The following GLIS3 variants were observed in gnomAD, a reference collection of about 807,000 sequenced individuals.
GLIS3 encodes the protein zinc finger protein GLIS3.
In GLIS3, 53 loss-of-function variants were observed where a neutral mutation model predicts 78.6. That is an observed-to-expected ratio of 0.67 (90% CI 0.54 to 0.85). GLIS3 has a LOEUF of 0.85. Ranked by LOEUF, GLIS3 falls within the 40% of genes least tolerant of loss-of-function variation. GLIS3 has a pLI of 0.00. For missense variants in GLIS3, 1,703 were observed against 1,231.1 expected (o/e 1.38, Z -5.74); for synonymous variants, 684 against 509.9 (o/e 1.34, Z -4.60).
At chr9:4,122,125 G>T (rs1832239021) in intron 3 of GLIS3, among the ~76,000 whole-genome samples, 1 of 152,174 alleles carries the variant, frequency 6.6e-6, no homozygotes, top group African/African-American at 2.4e-5. Context: ...AAATGATTAG[G>T]GTGGCTGGTT....
At chr9:4,193,531 GA>G (rs1323622203) in intron 2 of GLIS3, among the ~76,000 whole-genome samples, 1 of 152,116 alleles carries the variant, frequency 6.6e-6, no homozygotes, top group Non-Finnish European at 1.5e-5. Flanking sequence ...AGACAGCTGA[GA>G]AAATGACACA....
chr9:4,304,460 C>T (rs779894295), upstream of GLIS3, among the ~76,000 whole-genome samples: 12 of 152,302 alleles, frequency 7.9e-5, no homozygotes, highest in Non-Finnish European at 1.5e-4. Context: ...AGCCTGTCTG[C>T]GCCCTGCTCC....
intron 2 of GLIS3, among the ~76,000 whole-genome samples, chr9:4,198,138 A>C (rs971068487): frequency 6.6e-6 from 1 of 152,296 alleles, no homozygotes; most frequent in African/African-American, 2.4e-5. Flanking sequence ...CTAACTCTCC[A>C]GCAATGGCCC....
intron 7 of GLIS3, among the ~76,000 whole-genome samples, chr9:3,896,431 G>C (rs575030694): frequency 6.6e-6 from 1 of 151,920 alleles, no homozygotes; most frequent in African/African-American, 2.4e-5. Context: ...TTTGGAGGCC[G>C]AGGTGGGTGG....
At chr9:3,894,910 T>A (rs552025799) in intron 7 of GLIS3, among the ~76,000 whole-genome samples, 1 of 152,318 alleles carries the variant, frequency 6.6e-6, no homozygotes, top group South Asian at 2.1e-4. Flanking sequence ...TCTGTGGGAC[T>A]CAAACATCTC....
chr9:4,444,615 G>A, the GLIS3 span, among the ~76,000 whole-genome samples: 1 of 152,302 alleles, frequency 6.6e-6, no homozygotes, highest in East Asian at 1.9e-4. Context: ...TAACTTTGCC[G>A]ATTATCATGA....
chr9:4,287,836 C>A (rs370999163), intron 1 of GLIS3, among the ~76,000 whole-genome samples: 26 of 152,254 alleles, frequency 1.7e-4, no homozygotes, highest in African/African-American at 6.0e-4. Context: ...CAAGCACTCA[C>A]TATGCCTTCT....
the GLIS3 span, among the ~76,000 whole-genome samples, chr9:4,476,572 G>A: frequency 6.6e-6 from 1 of 152,034 alleles, no homozygotes; most frequent in African/African-American, 2.4e-5. Context: ...ATGTTAGCCA[G>A]GCTGGTCTCG....
At chr9:4,279,324 TACACACACACACACACAC>T (rs141790371) in intron 2 of GLIS3, among the ~76,000 whole-genome samples, 2 of 84,926 alleles carry the variant, frequency 2.4e-5, no homozygotes, top group African/African-American at 4.7e-5. Context: ...AATATATATA[TACACACACACACACACAC>T]ACACACACAC....
At chr9:4,385,765 GAA>G in the GLIS3 span, among the ~76,000 whole-genome samples, 1 of 41,342 alleles carries the variant, frequency 2.4e-5, no homozygotes, top group African/African-American at 1.2e-4. Flanking sequence ...AAGAAAGAAA[GAA>G]AGAAAGAAAG....
chr9:4,437,815 T>A, the GLIS3 span, among the ~76,000 whole-genome samples: 1 of 152,204 alleles, frequency 6.6e-6, no homozygotes, highest in Non-Finnish European at 1.5e-5. Flanking sequence ...ATGATCCACT[T>A]CTTAATGAAT....
At chr9:3,996,752 T>C (rs1370480521) in intron 4 of GLIS3, among the ~76,000 whole-genome samples, 5 of 152,114 alleles carry the variant, frequency 3.3e-5, no homozygotes, top group African/African-American at 9.7e-5. Context: ...CATTGGTTTT[T>C]TTAGAAGAAT....
the GLIS3 span, among the ~76,000 whole-genome samples, chr9:4,413,943 G>T: frequency 6.6e-6 from 1 of 152,038 alleles, no homozygotes; most frequent in Non-Finnish European, 1.5e-5. Context: ...TATACCCAAG[G>T]TTATCATATG....
intron 4 of GLIS3, among the ~76,000 whole-genome samples, chr9:4,106,983 T>C (rs1230819031): frequency 6.6e-6 from 1 of 152,032 alleles, no homozygotes; most frequent in African/African-American, 2.4e-5. Context: ...GCAGTGGTGA[T>C]TGTATGGCAA....
intron 7 of GLIS3, among the ~76,000 whole-genome samples, chr9:3,886,859 C>A (rs1042989896): frequency 6.6e-6 from 1 of 152,142 alleles, no homozygotes; most frequent in Admixed American, 6.5e-5. Context: ...AATTGGAGAA[C>A]GAGAGAGAGG....
At chr9:3,989,197 A>T (rs1041494033) in intron 4 of GLIS3, among the ~76,000 whole-genome samples, 15 of 152,176 alleles carry the variant, frequency 9.9e-5, no homozygotes, top group Admixed American at 2.0e-4. Flanking sequence ...CTACAATGAA[A>T]TATTACTACA....
At chr9:4,013,609 G>A (rs911933101) in intron 4 of GLIS3, among the ~76,000 whole-genome samples, 1 of 152,322 alleles carries the variant, frequency 6.6e-6, no homozygotes, top group African/African-American at 2.4e-5. Context: ...TCTATCAAAT[G>A]TAGAACACAG....
intron 4 of GLIS3, among the ~76,000 whole-genome samples, chr9:4,073,158 A>G (rs750411106): frequency 6.6e-6 from 1 of 152,160 alleles, no homozygotes; most frequent in Non-Finnish European, 1.5e-5. Context: ...TCAAACACCC[A>G]TCAACTGAAA....
chr9:4,119,415 A>G (rs979729337), intron 3 of GLIS3, among the ~76,000 whole-genome samples: 2 of 152,242 alleles, frequency 1.3e-5, no homozygotes, highest in African/African-American at 4.8e-5. Context: ...AGGGGACTTA[A>G]TAATTTCACA....
Sources: gnomAD v4.1 joint callset for allele counts (sites outside exome capture counted in the v4.1 genomes callset) on GRCh38, gnomAD v4.1.1 for gene constraint, MANE v1.5 for transcripts, NCBI Gene and HGNC (gene_info 2026-07-23, HGNC 2026-07-21) for gene names.